The following LUZP2 variants were observed in gnomAD, a reference collection of about 807,000 sequenced individuals.
LUZP2 encodes the protein leucine zipper protein 2.
A neutral mutation model predicts 51.6 loss-of-function variants in LUZP2; 52 were observed. The ratio of observed to expected loss-of-function variants is 1.01; its 90% CI spans 0.81 to 1.27. The LOEUF is 1.27. Ranked by LOEUF, LUZP2 falls within the 50% of genes most tolerant of loss-of-function variation. LUZP2 has a pLI of 0.00. For synonymous variants in LUZP2, 154 were observed against 137.3 expected (o/e 1.12, Z -0.85); for missense variants, 436 against 395.4 (o/e 1.10, Z -0.87).
intron 1 of LUZP2, among the ~76,000 whole-genome samples, chr11:24,580,273 T>A (rs548880098): frequency 6.6e-6 from 1 of 152,270 alleles, no homozygotes; most frequent in East Asian, 1.9e-4. Context: ...TGGTGCTGTT[T>A]AAGGACATCA....
At chr11:25,041,783 C>T (rs907267373) in intron 9 of LUZP2, among the ~76,000 whole-genome samples, 1 of 152,114 alleles carries the variant, frequency 6.6e-6, no homozygotes. Context: ...AGTACTCTTC[C>T]GTGGCCTGTT....
At chr11:24,930,571 A>G (rs1854417081) in intron 7 of LUZP2, among the ~76,000 whole-genome samples, 1 of 152,144 alleles carries the variant, frequency 6.6e-6, no homozygotes, top group African/African-American at 2.4e-5. Flanking sequence ...CCTAGGTTGT[A>G]GGGTTTCTGC....
chr11:24,896,871 T>G (rs1853080800), intron 5 of LUZP2, among the ~76,000 whole-genome samples: 1 of 152,222 alleles, frequency 6.6e-6, no homozygotes, highest in Admixed American at 6.5e-5. Flanking sequence ...ATCAGCACTC[T>G]GTATCTAGCT....
At chr11:24,995,906 G>A (rs1326874222) in intron 9 of LUZP2, among the ~76,000 whole-genome samples, 1 of 151,702 alleles carries the variant, frequency 6.6e-6, no homozygotes, top group East Asian at 1.9e-4. Context: ...TTCAGTGTTA[G>A]TGCTACATGA....
chr11:24,910,322 G>A (rs765078673), intron 6 of LUZP2, among the ~76,000 whole-genome samples: 1 of 152,156 alleles, frequency 6.6e-6, no homozygotes, highest in Non-Finnish European at 1.5e-5. Flanking sequence ...GTAATGAGGA[G>A]CCCAATGTTA....
chr11:24,928,885 T>G lies in LUZP2; in HGVS notation c.522+14347T>G, dbSNP rs959554055. 2.6e-5 allele frequency among the ~76,000 whole-genome samples: 4 copies of G among 152,052 alleles called. No individual in the cohort carries two copies. In the East Asian group the frequency reaches 5.8e-4, roughly 22 times the overall value. On this transcript the variant is annotated intron_variant, in intron 7 of 11. Transcript: ENST00000336930. ...ATTTTGTTGTGTTGTTTGCAATATT[T>G]TATTACAATTTCCGTTTCACTGCTT...
intron 9 of LUZP2, among the ~76,000 whole-genome samples, chr11:25,020,076 G>T (rs1032277955): frequency 5.3e-5 from 8 of 151,974 alleles, no homozygotes; most frequent in Non-Finnish European, 1.0e-4. Flanking sequence ...CAAGGTTCTA[G>T]AATCTTGAAA....
At chr11:24,924,200 C>A (rs1031243096) in intron 7 of LUZP2, among the ~76,000 whole-genome samples, 1 of 152,016 alleles carries the variant, frequency 6.6e-6, no homozygotes, top group African/African-American at 2.4e-5. Flanking sequence ...GCCTCAGCCT[C>A]CCAAGTAGCT....
chr11:24,750,184 C>A (rs1251028551), intron 4 of LUZP2, among the ~76,000 whole-genome samples: 1 of 152,052 alleles, frequency 6.6e-6, no homozygotes, highest in African/African-American at 2.4e-5. Flanking sequence ...CCTTTCTTAC[C>A]CAGATGAATG....
chr11:24,817,798 A>G (rs1348243646), intron 5 of LUZP2, among the ~76,000 whole-genome samples: 1 of 152,042 alleles, frequency 6.6e-6, no homozygotes, highest in Non-Finnish European at 1.5e-5. Flanking sequence ...AGGAAATGGT[A>G]TTACTAAGTG....
Position 25,078,861 on chromosome 11 carries a change from A to G in LUZP2, c.*203A>G. 1 of 487,624 alleles carries G rather than the reference A, an allele frequency of 2.1e-6. No homozygotes were observed. Among genetic ancestry groups the G allele is most frequent in the South Asian group, 2.9e-5 (1 of 34,400 alleles). 30.2% of individuals were successfully genotyped at this position (487,624 alleles called of 1,614,324 possible). Reference sequence around the variant, plus strand: ...TAACCTCATTGAATTGAATACCCACAGTCAGAAATATTTTGTTGTCAACAG... The same window carrying G: ...TAACCTCATTGAATTGAATACCCACGGTCAGAAATATTTTGTTGTCAACAG... On this transcript the variant is annotated 3_prime_UTR_variant, in exon 12 of 12. Coordinates refer to ENST00000336930, the MANE Select transcript of LUZP2 (RefSeq NM_001009909.4).
chr11:24,530,603 G>T (rs10767201), intron 1 of LUZP2, among the ~76,000 whole-genome samples: 28,476 of 150,166 alleles, frequency 0.19, 4,653 homozygotes, highest in African/African-American at 0.44. Context: ...TCCTTTCTTT[G>T]CTACCATGTC....
intron 1 of LUZP2, among the ~76,000 whole-genome samples, chr11:24,581,861 ACAGAGGCT>A (rs1263018283): frequency 6.6e-6 from 1 of 152,138 alleles, no homozygotes; most frequent in African/African-American, 2.4e-5. Flanking sequence ...TTAAGAGGAA[ACAGAGGCT>A]CAGAGAATTG....
intron 5 of LUZP2, among the ~76,000 whole-genome samples, chr11:24,845,685 G>T (rs1156750739): frequency 6.6e-6 from 1 of 152,114 alleles, no homozygotes; most frequent in Non-Finnish European, 1.5e-5. Flanking sequence ...TTCTTGTGAT[G>T]GTGAATGAGT....
rs574595261 is a variant in LUZP2 at position 24,781,553 on chromosome 11, A to G, written c.396+18245A>G. Among the ~76,000 whole-genome samples the G allele has an allele frequency of 2.8e-4, 42 of 147,806 alleles. No individual in the cohort carries two copies. The South Asian group carries it at 7.5e-3, about 26-fold the overall frequency. On this transcript the variant is annotated intron_variant, in intron 5 of 11. Transcript: ENST00000336930. Reference sequence around the variant, plus strand: ...GAGTAATTTTCTCCATCAGTCATGAAGACCTGTGTTTCATGATTTTTTATA... The same window carrying G: ...GAGTAATTTTCTCCATCAGTCATGAGGACCTGTGTTTCATGATTTTTTATA...
intron 5 of LUZP2, among the ~76,000 whole-genome samples, chr11:24,838,476 C>T (rs1024020825): frequency 3.3e-5 from 5 of 151,580 alleles, no homozygotes; most frequent in African/African-American, 4.8e-5. Flanking sequence ...GTTTACATTG[C>T]ACTTTTCTCT....
At chr11:24,942,168 A>G (rs951223618) in intron 7 of LUZP2, among the ~76,000 whole-genome samples, 10 of 152,150 alleles carry the variant, frequency 6.6e-5, no homozygotes, top group African/African-American at 2.2e-4. Flanking sequence ...TACTGCTGCT[A>G]TGAGGTCTCA....
intron 1 of LUZP2, among the ~76,000 whole-genome samples, chr11:24,645,675 C>T (rs1590288093): frequency 6.6e-6 from 1 of 151,846 alleles, no homozygotes; most frequent in Non-Finnish European, 1.5e-5. Flanking sequence ...CTTAAAATAG[C>T]TTTCACAAAA....
chr11:25,052,002 A>C (rs1858531533), intron 10 of LUZP2, among the ~76,000 whole-genome samples: 1 of 152,072 alleles, frequency 6.6e-6, no homozygotes. Flanking sequence ...TTCCAGAAGC[A>C]GATACTATCT....
Sources: allele counts gnomAD v4.1 joint callset (sites outside exome capture counted in the v4.1 genomes callset), GRCh38; gene constraint gnomAD v4.1.1; transcripts MANE v1.5; gene names NCBI Gene and HGNC (gene_info 2026-07-23, HGNC 2026-07-21).